The following CLTRN variants were observed in gnomAD, a reference collection of about 807,000 sequenced individuals.
CLTRN encodes the protein collectrin, amino acid transport regulator, also known as collectrin.
In CLTRN, 12 loss-of-function variants were observed where a neutral mutation model predicts 14.5. That is an observed-to-expected ratio of 0.83 (90% CI 0.53 to 1.34). The LOEUF is 1.34. Ranked by LOEUF, CLTRN falls within the 40% of genes most tolerant of loss-of-function variation. The probability of loss-of-function intolerance (pLI) is 0.00; values close to 1 mark genes in which losing one functional copy is unlikely to be tolerated. For synonymous variants in CLTRN, 58 were observed against 56.5 expected (o/e 1.03, Z -0.12); for missense variants, 154 against 165.1 (o/e 0.93, Z 0.37).
At chrX:15,648,895 T>C (rs1222646581) in intron 3 of CLTRN, among the ~76,000 whole-genome samples, 1 of 112,082 alleles carries the variant, frequency 8.9e-6, no homozygotes, top group Non-Finnish European at 1.9e-5. Context: ...ATAACATTTA[T>C]ATAAATTAAA....
chrX:15,656,364 C>G (rs564472059), intron 3 of CLTRN, among the ~76,000 whole-genome samples: 1 of 112,193 alleles, frequency 8.9e-6, no homozygotes, highest in South Asian at 3.7e-4. Flanking sequence ...GAAAGTGAGA[C>G]TATTCATTAT....
upstream of CLTRN, chrX:15,664,849 T>C: frequency 2.3e-6 from 2 of 887,366 alleles, no homozygotes; most frequent in Non-Finnish European, 3.3e-6. Context: ...GCCTTAGCCA[T>C]TCTGTGACCC....
At chrX:15,640,813 A>G (rs1209718030) in intron 4 of CLTRN, among the ~76,000 whole-genome samples, 1 of 112,426 alleles carries the variant, frequency 8.9e-6, no homozygotes, top group African/African-American at 3.2e-5. Context: ...ATACAACGTG[A>G]AATTAAAGTA....
At chrX:15,645,642 C>G (rs5936001) in intron 3 of CLTRN, among the ~76,000 whole-genome samples, 27,806 of 111,496 alleles carry the variant, frequency 0.25, 2,722 homozygotes, top group East Asian at 0.52. Flanking sequence ...AGTCTTTGAA[C>G]TCTTTGTTTT....
chrX:15,642,967 C>T (rs1199392662), intron 4 of CLTRN, among the ~76,000 whole-genome samples: 4 of 110,181 alleles, frequency 3.6e-5, no homozygotes, highest in African/African-American at 1.3e-4. Flanking sequence ...CATAGTGGCA[C>T]ATCCCTGTAG....
At chrX:15,646,466 C>CCCCCCCCCA in intron 3 of CLTRN, 1 of 252,008 alleles carries the variant, frequency 4.0e-6, no homozygotes, top group African/African-American at 3.2e-5. Context: ...GCACCCACCC[C>CCCCCCCCCA]CCCGCCCGAC....
intron 3 of CLTRN, chrX:15,646,458 A>ACCCC: frequency 6.1e-5 from 14 of 228,785 alleles, no homozygotes; most frequent in Middle Eastern, 1.4e-3. Context: ...AAAACCGCGC[A>ACCCC]CCCACCCCCC....
At chrX:15,660,090 G>T (rs1929471029) in intron 2 of CLTRN, among the ~76,000 whole-genome samples, 1 of 111,286 alleles carries the variant, frequency 9.0e-6, no homozygotes, top group Non-Finnish European at 1.9e-5. Context: ...AGGGTGGGGG[G>T]TTGGTATATC....
At chrX:15,642,997 T>A (rs1406079954) in intron 4 of CLTRN, among the ~76,000 whole-genome samples, 1 of 110,759 alleles carries the variant, frequency 9.0e-6, no homozygotes, top group African/African-American at 3.3e-5. Flanking sequence ...CTCAGGAGGC[T>A]GAGACAAGAG....
chrX:15,636,326 G>T (rs895275702), intron 5 of CLTRN, among the ~76,000 whole-genome samples: 73 of 111,836 alleles, frequency 6.5e-4, no homozygotes, highest in African/African-American at 2.4e-3. Flanking sequence ...AATGGATAAA[G>T]AAAATGTGGT....
chrX:15,660,525 G>A (rs1277691513), intron 2 of CLTRN, among the ~76,000 whole-genome samples: 1 of 110,087 alleles, frequency 9.1e-6, no homozygotes, highest in Non-Finnish European at 1.9e-5. Flanking sequence ...GAACAGAAAA[G>A]GGGGACAGGA....
intron 3 of CLTRN, among the ~76,000 whole-genome samples, chrX:15,658,125 T>TA (rs754038537): frequency 2.7e-5 from 3 of 111,995 alleles, no homozygotes; most frequent in Non-Finnish European, 3.8e-5. Flanking sequence ...CTCCCTAATT[T>TA]AAAAAAAATC....
chrX:15,658,377 T>G (rs1165639817), intron 3 of CLTRN, among the ~76,000 whole-genome samples: 5 of 112,382 alleles, frequency 4.4e-5, no homozygotes, highest in Non-Finnish European at 9.4e-5. Flanking sequence ...TGGGGATGGC[T>G]ACCTCACAAG....
At chrX:15,654,992 G>C (rs978424889) in intron 3 of CLTRN, among the ~76,000 whole-genome samples, 1 of 112,194 alleles carries the variant, frequency 8.9e-6, no homozygotes, top group Non-Finnish European at 1.9e-5. Flanking sequence ...ACAGCATCTG[G>C]GGCAGATGGT....
chrX:15,671,165 TG>T lies in CLTRN; in HGVS notation c.-505-3230del, dbSNP rs749315325. On this transcript the variant is annotated intron_variant, in intron 1 of 6. Transcript: ENST00000650271. ...TGTAGGACACAAAAGTAAATCACGA[TG>T]GCAATAGATGCACATACAATTGTGA... Among the ~76,000 whole-genome samples, 410 of 111,626 alleles carry T rather than the reference TG, an allele frequency of 3.7e-3. 1 individual carries two copies. The highest frequency in any genetic ancestry group is 5.3e-3 in the Non-Finnish European group (282 of 53,138).
At chrX:15,630,920 C>A (rs149000434) in intron 5 of CLTRN, among the ~76,000 whole-genome samples, 2,731 of 112,047 alleles carry the variant, frequency 0.024, 35 homozygotes, top group Middle Eastern at 0.065. Flanking sequence ...TCACTTTCCA[C>A]GTCCTCCAGA....
chrX:15,645,911 G>A (rs767868698), intron 3 of CLTRN, among the ~76,000 whole-genome samples: 4 of 113,141 alleles, frequency 3.5e-5, no homozygotes, highest in South Asian at 3.6e-4. Flanking sequence ...TCTGATATGA[G>A]TAAAGGATTT....
chrX:15,668,997 ATTATATTATC>A (rs1323877855), upstream of CLTRN, among the ~76,000 whole-genome samples: 5 of 111,045 alleles, frequency 4.5e-5, no homozygotes, highest in Non-Finnish European at 9.5e-5. Flanking sequence ...TCTCATTTTG[ATTATATTATC>A]TTTGTTGTTT....
intron 2 of CLTRN, among the ~76,000 whole-genome samples, chrX:15,660,069 A>C (rs2147213128): frequency 9.0e-6 from 1 of 111,635 alleles, no homozygotes; most frequent in East Asian, 2.8e-4. Context: ...GCTGAGCGGA[A>C]GAAGTTGGTG....
Sources: allele counts gnomAD v4.1 joint callset (sites outside exome capture counted in the v4.1 genomes callset), GRCh38; gene constraint gnomAD v4.1.1; transcripts MANE v1.5; gene names NCBI Gene and HGNC (gene_info 2026-07-23, HGNC 2026-07-21).